POLQ: variants seen among roughly 807,000 people sequenced by gnomAD.
The protein encoded by POLQ is DNA polymerase theta.
Under a neutral mutation model 259.2 loss-of-function variants are expected in POLQ, and 233 were observed. The ratio of observed to expected loss-of-function variants is 0.90; its 90% CI spans 0.81 to 1.00. POLQ has a LOEUF of 1.00. POLQ is among the 50% of genes least tolerant of loss of function. The pLI, the probability that POLQ is intolerant of heterozygous loss-of-function variation, is 0.00. For missense variants in POLQ, 2,871 were observed against 3,051.6 expected (o/e 0.94, Z 1.39); for synonymous variants, 1,025 against 1,048.8 (o/e 0.98, Z 0.44).
chr3:121,463,753 T>C (rs2108785696), intron 24 of POLQ, among the ~76,000 whole-genome samples: 1 of 152,340 alleles, frequency 6.6e-6, no homozygotes, highest in African/African-American at 2.4e-5. Flanking sequence ...TCTAGCTTTG[T>C]CATTAAAAAC....
rs2048531960 is a variant in POLQ at position 121,545,975 on chromosome 3, C to T, written c.-98G>A. ...GCAACAGCTGCGGACATCTTCCCGC[C>T]AGTCTTCAAACTCAAACCTCCCGGC... On this transcript the variant is annotated 5_prime_UTR_variant, in exon 1 of 30. Coordinates refer to ENST00000264233, the MANE Select transcript of POLQ (RefSeq NM_199420.4). 6.9e-7 allele frequency: 1 copy of T among 1,452,530 alleles called. No homozygotes were observed. Among genetic ancestry groups the T allele is most frequent in the Non-Finnish European group, 9.5e-7 (1 of 1,055,392 alleles). The allele number at this position is 1,452,530 out of a possible 1,614,324, so 90.0% of individuals were successfully genotyped here. A position where few individuals can be genotyped will look rare whatever the true frequency, so the allele number is the denominator to read the frequency against.
chr3:121,485,271 A>G (rs2048002589), intron 16 of POLQ, 87 bp from the exon 17 acceptor site: 1 of 901,010 alleles, frequency 1.1e-6, no homozygotes. Flanking sequence ...TAAAAAACCT[A>G]TCTTTGATAG....
At chr3:121,454,435 G>T (rs1487384810) in intron 25 of POLQ, among the ~76,000 whole-genome samples, 2 of 152,126 alleles carry the variant, frequency 1.3e-5, no homozygotes, top group Admixed American at 6.5e-5. Context: ...GACACAGACT[G>T]GCAAATTGGA....
Position 121,537,176 on chromosome 3 carries a change from C to G in POLQ, c.664G>C (p.Gly222Arg). Residue 222 changes from glycine (G) to arginine (R), a missense_variant, in exon 5 of 30, where the codon GGA becomes CGA. Physicochemically the swap from Gly to Arg is moderately radical, Grantham distance 125. Around this residue, in one of 3 missense-constraint regions of POLQ, gnomAD observed 783 missense variants for 906.2 expected, o/e 0.86. Coordinates refer to ENST00000264233, the MANE Select transcript of POLQ (RefSeq NM_199420.4). ...AGCAGATACCCTCGGTGAGAGTCTC[C>G]CAGCATATGTAATTCATCCACAACC... ...MVVVDELHMLGDSHRGYLLEL... is the reference protein window; with the variant it reads ...MVVVDELHMLRDSHRGYLLEL... 6.2e-7 allele frequency: 1 copy of G among 1,602,868 alleles called. No homozygotes were observed.
At chr3:121,535,481 C>A (rs745650594) in intron 5 of POLQ, among the ~76,000 whole-genome samples, 1 of 151,890 alleles carries the variant, frequency 6.6e-6, no homozygotes, top group Non-Finnish European at 1.5e-5. Flanking sequence ...TTTGGGAGGC[C>A]GAGGTGGGTA....
chr3:121,454,494 C>T (rs1205896848), intron 25 of POLQ, among the ~76,000 whole-genome samples: 20 of 152,242 alleles, frequency 1.3e-4, no homozygotes, highest in African/African-American at 2.6e-4. Flanking sequence ...ACCCATCTCA[C>T]GTGCAGAGAC....
intron 9 of POLQ, among the ~76,000 whole-genome samples, chr3:121,513,060 A>G (rs2108809146): frequency 6.6e-6 from 1 of 152,316 alleles, no homozygotes; most frequent in East Asian, 1.9e-4. Context: ...ATTTTTCTTC[A>G]AAAATGAATC....
intron 26 of POLQ, among the ~76,000 whole-genome samples, chr3:121,448,147 T>C (rs2047645914): frequency 6.6e-6 from 1 of 152,176 alleles, no homozygotes; most frequent in Admixed American, 6.5e-5. Flanking sequence ...CAATAACTCT[T>C]AGAAGATTTG....
chr3:121,464,386 C>A (rs779944048), intron 24 of POLQ, among the ~76,000 whole-genome samples: 4 of 151,980 alleles, frequency 2.6e-5, no homozygotes, highest in African/African-American at 9.7e-5. Context: ...ACAACAACAA[C>A]AACAACAATA....
At chr3:121,494,941 T>G in intron 14 of POLQ, 1 of 765,444 alleles carries the variant, frequency 1.3e-6, no homozygotes, top group Non-Finnish European at 1.9e-6. Context: ...TATATAAAAA[T>G]AATTAAAATA....
chr3:121,545,222 G>T (rs559604592), intron 1 of POLQ, among the ~76,000 whole-genome samples: 1 of 152,162 alleles, frequency 6.6e-6, no homozygotes, highest in Non-Finnish European at 1.5e-5. Context: ...GCTAAGTTAG[G>T]TGAGTTTCTA....
intron 7 of POLQ, among the ~76,000 whole-genome samples, chr3:121,525,123 C>G (rs183520194): frequency 6.6e-6 from 1 of 152,072 alleles, no homozygotes; most frequent in South Asian, 2.1e-4. Flanking sequence ...GAGTGGATCA[C>G]GAGGTTAGGA....
At chr3:121,457,228 T>C (rs2047748992) in intron 25 of POLQ, among the ~76,000 whole-genome samples, 1 of 152,162 alleles carries the variant, frequency 6.6e-6, no homozygotes, top group Non-Finnish European at 1.5e-5. Context: ...TATACAAAAA[T>C]TAATTCAAGA....
Position 121,529,767 on chromosome 3 carries a change from AAACT to A in POLQ, c.982_985del (p.Ser328TyrfsTer44). 1 of 1,612,116 alleles carries A rather than the reference AAACT, an allele frequency of 6.2e-7. No individual in the cohort carries two copies. The highest frequency in any genetic ancestry group is 1.1e-5 in the South Asian group (1 of 90,870). ...GTTATCACAAATCGTCTCATAACAT[AAACT>A]AACAACATGGTCCTCATCTCCCTAA... On this transcript the variant is annotated frameshift_variant, in exon 7 of 30. Coordinates refer to ENST00000264233, the MANE Select transcript of POLQ (RefSeq NM_199420.4). LOFTEE classifies it high-confidence loss of function.
intron 7 of POLQ, among the ~76,000 whole-genome samples, chr3:121,524,574 G>A (rs1025756667): frequency 1.1e-4 from 16 of 151,676 alleles, no homozygotes; most frequent in Non-Finnish European, 2.2e-4. Flanking sequence ...AACAACCTGG[G>A]TGAACATCAA....
At chr3:121,455,633 G>A (rs1418800050) in intron 25 of POLQ, among the ~76,000 whole-genome samples, 1 of 152,020 alleles carries the variant, frequency 6.6e-6, no homozygotes, top group Non-Finnish European at 1.5e-5. Flanking sequence ...AGAAAATCTA[G>A]AAAAAATGGA....
At chr3:121,450,592 TC>T (rs1045186888) in intron 25 of POLQ, among the ~76,000 whole-genome samples, 6 of 150,648 alleles carry the variant, frequency 4.0e-5, no homozygotes, top group Admixed American at 2.0e-4. Flanking sequence ...ATTATTCTTT[TC>T]TTTAATAGTG....
At position 121,456,465 on chromosome 3, in the gene POLQ, A is replaced by G. The variant is rs981514703; in HGVS notation, c.7152+3585T>C. Among the ~76,000 whole-genome samples, 7 of 152,314 alleles carry G rather than the reference A, an allele frequency of 4.6e-5. No individual in the cohort carries two copies. In the South Asian group the frequency reaches 6.2e-4, roughly 14 times the overall value. On this transcript the variant is annotated intron_variant, in intron 25 of 29. Transcript: ENST00000264233. Reference sequence around the variant, plus strand: ...ATTGTCCCTGTTTGCAGATGACATGACTGTATATCCAGAAAACCCCATTGT... The same window carrying G: ...ATTGTCCCTGTTTGCAGATGACATGGCTGTATATCCAGAAAACCCCATTGT...
intron 25 of POLQ, among the ~76,000 whole-genome samples, chr3:121,450,693 C>A (rs975982658): frequency 6.6e-6 from 1 of 152,092 alleles, no homozygotes. Flanking sequence ...TGTGGGTAAC[C>A]CGACCTTTCT....
Sources: allele counts gnomAD v4.1 joint callset (sites outside exome capture counted in the v4.1 genomes callset), GRCh38; gene constraint gnomAD v4.1.1; regional missense constraint gnomAD v4.1.1; transcripts MANE v1.5; gene names NCBI Gene and HGNC (gene_info 2026-07-23, HGNC 2026-07-21).